MCF2L: variants seen among roughly 807,000 people sequenced by gnomAD.
MCF2L encodes the protein MCF.2 cell line derived transforming sequence like, also known as guanine nucleotide exchange factor DBS.
In MCF2L, 97 loss-of-function variants were observed where a neutral mutation model predicts 153.4. The ratio of observed to expected loss-of-function variants is 0.63; its 90% CI spans 0.54 to 0.75. The LOEUF is 0.75. MCF2L is among the 30% of genes least tolerant of loss of function. The pLI is 0.00. For missense variants in MCF2L, 1,347 were observed against 1,495.2 expected, an observed-to-expected ratio of 0.90 and a Z score of 1.64; for synonymous variants, 659 against 632.2, an observed-to-expected ratio of 1.04 and a Z score of -0.64.
intron 3 of MCF2L, chr13:113,044,264 G>T: frequency 3.7e-6 from 1 of 266,702 alleles, no homozygotes; most frequent in Non-Finnish European, 7.4e-6. Flanking sequence ...GGACACAGAC[G>T]CAGCAGCACC....
At position 113,098,306 on chromosome 13, in the gene MCF2L, TG is replaced by T. The variant is rs1460378691; in HGVS notation, c.*1448del. The T allele has an allele frequency of 1.3e-5, 2 of 152,592 alleles. No homozygotes were observed. The highest frequency in any genetic ancestry group is 2.9e-5 in the Non-Finnish European group (2 of 68,050). The allele number at this position is 152,592 out of a possible 1,614,324, so 9.5% of individuals were successfully genotyped here. A position where few individuals can be genotyped will look rare whatever the true frequency, so the allele number is the denominator to read the frequency against. The stretch of plus-strand genomic sequence containing the variant: ...TGCAGAGACTCGGCAGCTTTTCCTC[TG>T]ATGTGTAAGTTATTTGGAACGCGTG... On this transcript the variant is annotated 3_prime_UTR_variant, in exon 30 of 30. Coordinates refer to ENST00000535094, the MANE Select transcript of MCF2L (RefSeq NM_001112732.3).
At chr13:112,946,712 T>A (rs1261247670) in intron 2 of MCF2L, among the ~76,000 whole-genome samples, 1 of 152,222 alleles carries the variant, frequency 6.6e-6, no homozygotes, top group African/African-American at 2.4e-5. Context: ...AGGGTGTATT[T>A]AGGACTCGTA....
intron 26 of MCF2L, among the ~76,000 whole-genome samples, chr13:113,092,306 C>T (rs986928290): frequency 6.6e-6 from 1 of 152,200 alleles, no homozygotes; most frequent in African/African-American, 2.4e-5. Flanking sequence ...TGCAGGGTCT[C>T]GAGAAAGCCA....
intron 2 of MCF2L, among the ~76,000 whole-genome samples, chr13:112,915,057 T>C (rs2081276376): frequency 6.6e-6 from 1 of 152,064 alleles, no homozygotes; most frequent in Non-Finnish European, 1.5e-5. Flanking sequence ...TGTTGTATGG[T>C]GTCAAGTATG....
At chr13:112,963,395 A>G (rs530797267) in intron 2 of MCF2L, among the ~76,000 whole-genome samples, 19 of 152,316 alleles carry the variant, frequency 1.2e-4, no homozygotes, top group Admixed American at 4.6e-4. Flanking sequence ...GAGCCTCCGC[A>G]GCTCCTCAGA....
rs1358441977 is a variant in MCF2L at position 113,018,192 on chromosome 13, AC to A, written c.163+3347del. ...AACCTCGGGGGCTCCGGACTCCTGT[AC>A]GTTGCCGCCCAAAGTCAGGACGAGC... On this transcript the variant is annotated intron_variant, in intron 2 of 29. Coordinates refer to ENST00000535094, the MANE Select transcript of MCF2L (RefSeq NM_001112732.3). Among the ~76,000 whole-genome samples, 85 of 152,262 alleles carry A rather than the reference AC, an allele frequency of 5.6e-4. 1 individual carries two copies. Among genetic ancestry groups the A allele is most frequent in the African/African-American group, 2.0e-3 (84 of 41,530 alleles).
intron 2 of MCF2L, among the ~76,000 whole-genome samples, chr13:112,944,492 C>T (rs1230443940): frequency 1.3e-5 from 2 of 151,760 alleles, no homozygotes; most frequent in African/African-American, 4.8e-5. Context: ...AGTATGCGTT[C>T]CAGGAATGCT....
In MCF2L at chr13:112,960,336, G is replaced by C. The variant is rs1296097367; in HGVS notation, c.170-54427G>C. Among the ~76,000 whole-genome samples the C allele has an allele frequency of 6.6e-6, 1 of 152,216 alleles. No individual in the cohort carries two copies. The highest frequency in any genetic ancestry group is 2.1e-4 in the South Asian group (1 of 4,830). On this transcript the variant is annotated intron_variant, in intron 2 of 29. Transcript: ENST00000375608. This position sits in a 1 kb window ranked among gnomAD's most constrained non-coding sequence, Gnocchi z 4.2. ...TGAAACAGCGCTCGTCCAGTCATGA[G>C]GGCAGGGTCCTCAGACCTGGTCACC...
At chr13:113,016,858 A>C (rs2084556159) in intron 2 of MCF2L, among the ~76,000 whole-genome samples, 1 of 151,348 alleles carries the variant, frequency 6.6e-6, no homozygotes. Flanking sequence ...ACACCACCTC[A>C]CGTCCTCCCG....
chr13:113,079,972 TCTGAATGGAGGAGG>T, intron 15 of MCF2L, among the ~76,000 whole-genome samples: 2 of 138,470 alleles, frequency 1.4e-5, no homozygotes, highest in Non-Finnish European at 3.1e-5. Context: ...CAGAGGAACG[TCTGAATGGAGGAGG>T]GTCCAGGCAG....
intron 3 of MCF2L, among the ~76,000 whole-genome samples, chr13:113,032,162 G>A (rs2085765970): frequency 6.6e-6 from 1 of 152,134 alleles, no homozygotes; most frequent in African/African-American, 2.4e-5. Context: ...GAGCCAACTC[G>A]GTTTGTCGTC....
chr13:113,066,984 G>A (rs904508482), intron 8 of MCF2L, among the ~76,000 whole-genome samples: 5 of 152,244 alleles, frequency 3.3e-5, no homozygotes, highest in Admixed American at 6.5e-5. Flanking sequence ...GGGACTCGAC[G>A]GCGCATCCTT....
chr13:113,039,908 T>C (rs548343517), intron 3 of MCF2L, among the ~76,000 whole-genome samples: 2 of 152,338 alleles, frequency 1.3e-5, no homozygotes, highest in South Asian at 4.1e-4. Context: ...AACAGGAGTG[T>C]GTATTGTGTG....
At position 112,904,855 on chromosome 13, in the gene MCF2L, C is replaced by T. The variant is rs1453550298; in HGVS notation, c.169+2484C>T. Among the ~76,000 whole-genome samples, 1 of 152,230 alleles carries T rather than the reference C, an allele frequency of 6.6e-6. No individual in the cohort carries two copies. Among genetic ancestry groups the T allele is most frequent in the East Asian group, 1.9e-4 (1 of 5,192 alleles). ...ATGTCCTAGCCCAGCTGGCTGGAGA[C>T]AGTTGGTGGTGATGAAACCTGTTTG... is the stretch of plus-strand genomic sequence containing the variant. On this transcript the variant is annotated intron_variant, in intron 2 of 29. Coordinates refer to the MCF2L transcript ENST00000375608. The surrounding 1 kb of genome is among the most constrained non-coding windows in gnomAD (Gnocchi z 4.2).
At chr13:113,020,812 TGTGTGCGC>T (rs1426620343) in intron 2 of MCF2L, among the ~76,000 whole-genome samples, 7 of 151,724 alleles carry the variant, frequency 4.6e-5, no homozygotes, top group Admixed American at 1.3e-4. Flanking sequence ...GTATGTATAG[TGTGTGCGC>T]GTGTGAATGT....
intron 2 of MCF2L, among the ~76,000 whole-genome samples, chr13:112,962,091 G>A (rs1253145924): frequency 9.3e-5 from 2 of 21,596 alleles, no homozygotes; most frequent in African/African-American, 2.7e-4. Flanking sequence ...TCACACCCAG[G>A]CATGCACACA....
At chr13:112,962,060 C>G (rs1354080103) in intron 2 of MCF2L, among the ~76,000 whole-genome samples, 1 of 109,350 alleles carries the variant, frequency 9.1e-6, no homozygotes, top group African/African-American at 3.3e-5. Context: ...GACACGCACA[C>G]ACATGCACAC....
Position 113,070,805 on chromosome 13 carries a change from G to A in MCF2L, c.996+632G>A, listed in dbSNP as rs1292497494. Among the ~76,000 whole-genome samples, 1 of 152,174 alleles carries A rather than the reference G, an allele frequency of 6.6e-6. No individual in the cohort carries two copies. On this transcript the variant is annotated intron_variant, in intron 9 of 29. Coordinates refer to ENST00000535094, the MANE Select transcript of MCF2L (RefSeq NM_001112732.3). The surrounding 1 kb of genome is among the most constrained non-coding windows in gnomAD (Gnocchi z 5.6). Reference sequence around the variant, plus strand: ...ACTCATTGTGTTCCCCGGTGTGGACGGACCACAGTTCTTTCAATCATTCAC... The same window carrying A: ...ACTCATTGTGTTCCCCGGTGTGGACAGACCACAGTTCTTTCAATCATTCAC...
intron 2 of MCF2L, among the ~76,000 whole-genome samples, chr13:112,931,805 C>T (rs953845001): frequency 6.6e-6 from 1 of 152,046 alleles, no homozygotes; most frequent in Non-Finnish European, 1.5e-5. Context: ...AAACCCAAAC[C>T]CACGTGGATG....
Sources: gnomAD v4.1 joint callset for allele counts (sites outside exome capture counted in the v4.1 genomes callset) on GRCh38, gnomAD v4.1.1 for gene constraint, Gnocchi (gnomAD v3.1) non-coding constraint, MANE v1.5 for transcripts, NCBI Gene and HGNC (gene_info 2026-07-23, HGNC 2026-07-21) for gene names.